FGD5: variants seen among roughly 807,000 people sequenced by gnomAD.
FGD5 encodes FYVE, RhoGEF and PH domain-containing protein 5.
Under a neutral mutation model 133.4 loss-of-function variants are expected in FGD5, and 28 were observed. The ratio of observed to expected loss-of-function variants is 0.21; its 90% confidence interval spans 0.16 to 0.29. The LOEUF is 0.29. Among genes scored for constraint, FGD5 ranks in the 10% least tolerant of loss-of-function variants. FGD5 has a pLI of 1.00. For missense variants in FGD5, 1,858 were observed against 1,895.2 expected (o/e 0.98, Z 0.36); for synonymous variants, 810 against 776.5 (o/e 1.04, Z -0.72).
chr3:14,843,044 C>T (rs1321465693), intron 1 of FGD5, among the ~76,000 whole-genome samples: 3 of 152,180 alleles, frequency 2.0e-5, no homozygotes, highest in African/African-American at 7.2e-5. Context: ...CCTTATATTT[C>T]TTGTTCTTAA....
chr3:14,901,749 T>C (rs2038243495), intron 9 of FGD5, among the ~76,000 whole-genome samples: 1 of 152,218 alleles, frequency 6.6e-6, no homozygotes, highest in Non-Finnish European at 1.5e-5. Context: ...TACTTTGCTG[T>C]GGCAGAGACA....
intron 4 of FGD5, among the ~76,000 whole-genome samples, chr3:14,891,875 C>T (rs1306429939): frequency 2.0e-5 from 3 of 151,824 alleles, no homozygotes; most frequent in Admixed American, 2.0e-4. Flanking sequence ...TTCATGCCCC[C>T]TTCCTCCTTC....
At chr3:14,888,478 C>G (rs775811507) in intron 4 of FGD5, among the ~76,000 whole-genome samples, 7 of 152,232 alleles carry the variant, frequency 4.6e-5, no homozygotes, top group Non-Finnish European at 7.3e-5. Flanking sequence ...TCTGGCTAAA[C>G]ATGGCGTATT....
chr3:14,836,948 C>T (rs2125081870), intron 1 of FGD5, among the ~76,000 whole-genome samples: 1 of 152,254 alleles, frequency 6.6e-6, no homozygotes, highest in East Asian at 1.9e-4. Context: ...GAAGGACATT[C>T]CAAATGGAAG....
chr3:14,898,049 A>G lies in FGD5; in HGVS notation c.3020A>G (p.Asn1007Ser). 6.2e-7 allele frequency: 1 copy of G among 1,613,926 alleles called. No individual in the cohort carries two copies. The highest frequency in any genetic ancestry group is 8.5e-7 in the Non-Finnish European group (1 of 1,179,862). Residue 1007 changes from asparagine (N) to serine (S), a missense_variant, in exon 6 of 20, where the codon AAT (asparagine) becomes AGT (serine). By Grantham distance (46) the Asn-to-Ser change is conservative (BLOSUM62 1). This residue lies in a region of FGD5 where 1,824 missense variants were observed against 1,848.9 expected (regional missense o/e 0.99). Transcript: ENST00000285046. ...AGGTACCTAGGTCTGCTCAGTGAGA[A>G]TTGCCTCCACTCTCCCCGGCTGGCA... ...FDRYLGLLSE[N>S]CLHSPRLAAA... is the part of the protein sequence containing the mutation.
At chr3:14,923,830 G>T in intron 16 of FGD5, 178 bp from the exon 17 acceptor site, 1 of 792,250 alleles carries the variant, frequency 1.3e-6, no homozygotes, top group Non-Finnish European at 2.0e-6. Context: ...CCCCTCCCCA[G>T]CCCCCATAGC....
At chr3:14,898,913 G>T (rs996973818) in intron 7 of FGD5, 87 bp downstream of exon 7, 62 of 1,200,128 alleles carry the variant, frequency 5.2e-5, no homozygotes, top group Non-Finnish European at 7.0e-5. Context: ...TGGTGACCTT[G>T]CCTCTGACCA....
chr3:14,901,238 T>A (rs2038233617), intron 9 of FGD5, among the ~76,000 whole-genome samples, 177 bp downstream of exon 9: 1 of 152,208 alleles, frequency 6.6e-6, no homozygotes, highest in Admixed American at 6.5e-5. Context: ...CCTCAGGCGC[T>A]GTGTGCCCCT....
intron 18 of FGD5, 81 bp from the exon 19 acceptor site, chr3:14,932,496 C>T (rs530190142): frequency 2.6e-4 from 384 of 1,475,092 alleles, no homozygotes; most frequent in Admixed American, 5.6e-4. Flanking sequence ...GCACTCTTCA[C>T]GCATCTCAGA....
At chr3:14,882,803 T>A (rs909699948) in intron 4 of FGD5, among the ~76,000 whole-genome samples, 1 of 151,762 alleles carries the variant, frequency 6.6e-6, no homozygotes, top group Non-Finnish European at 1.5e-5. Flanking sequence ...GGGGCAGACA[T>A]CTCCCAGTGT....
At chr3:14,896,585 C>T (rs1167180382) in intron 4 of FGD5, among the ~76,000 whole-genome samples, 1 of 152,064 alleles carries the variant, frequency 6.6e-6, no homozygotes, top group Admixed American at 6.5e-5. Flanking sequence ...ATTCTCGTGC[C>T]TCAGCCTCCC....
upstream of FGD5, chr3:14,810,721 G>T: frequency 3.6e-6 from 3 of 835,112 alleles, no homozygotes; most frequent in Non-Finnish European, 4.3e-6. Flanking sequence ...TCCGAGGCGC[G>T]CCGGGGCCGG....
chr3:14,890,848 A>T (rs1334028080), intron 4 of FGD5, among the ~76,000 whole-genome samples: 1 of 152,164 alleles, frequency 6.6e-6, no homozygotes, highest in Non-Finnish European at 1.5e-5. Flanking sequence ...CTCTCCCAGC[A>T]CTGTACAATT....
At chr3:14,921,441 T>C (rs182398) in intron 13 of FGD5, 151,846 of 167,106 alleles carry the variant, frequency 0.91, 69,124 homozygotes, top group African/African-American at 0.97. Flanking sequence ...AAGTGCCTGT[T>C]GGATGACTGT....
Position 14,898,151 on chromosome 3 carries a change from C to T in FGD5, c.3066+56C>T, listed in dbSNP as rs372401192. Reference sequence around the variant, plus strand: ...GTAAGGATGCAGGGGTTGAGGTGGGCGAAGGGCTTAATGCAAATCAGTGGG... The same window carrying T: ...GTAAGGATGCAGGGGTTGAGGTGGGTGAAGGGCTTAATGCAAATCAGTGGG... On this transcript the variant is annotated intron_variant, in intron 6 of 19. Coordinates refer to ENST00000285046, the MANE Select transcript of FGD5 (RefSeq NM_152536.4). The T allele has an allele frequency of 1.6e-5, 26 of 1,604,400 alleles. 1 individual carries two copies. In the South Asian group the frequency reaches 1.7e-4, roughly 10 times the overall value.
intron 2 of FGD5, among the ~76,000 whole-genome samples, chr3:14,869,700 C>G (rs1236429405): frequency 6.6e-6 from 1 of 152,188 alleles, no homozygotes. Context: ...AGTATTTGCT[C>G]TTTTGTGAGT....
chr3:14,862,988 T>C (rs2037430007), intron 1 of FGD5, among the ~76,000 whole-genome samples: 1 of 152,164 alleles, frequency 6.6e-6, no homozygotes, highest in African/African-American at 2.4e-5. Flanking sequence ...GATAGGCTCC[T>C]AGCTCAGCTA....
chr3:14,839,482 T>A (rs1051987489), intron 1 of FGD5, among the ~76,000 whole-genome samples: 4 of 152,114 alleles, frequency 2.6e-5, no homozygotes, highest in African/African-American at 9.7e-5. Flanking sequence ...ATAATCTGAT[T>A]AACTACTGAG....
intron 2 of FGD5, among the ~76,000 whole-genome samples, chr3:14,872,092 C>T (rs2125110843): frequency 6.6e-6 from 1 of 152,344 alleles, no homozygotes; most frequent in Middle Eastern, 3.4e-3. Flanking sequence ...AGCAATCACC[C>T]AGTCTATGTG....
Sources: allele counts gnomAD v4.1 joint callset (sites outside exome capture counted in the v4.1 genomes callset), GRCh38; gene constraint gnomAD v4.1.1; regional missense constraint gnomAD v4.1.1; transcripts MANE v1.5; gene names NCBI Gene and HGNC (gene_info 2026-07-23, HGNC 2026-07-21).